The following CUX1 variants were observed in gnomAD, a reference collection of about 807,000 sequenced individuals.
The protein encoded by CUX1 is protein CASP.
CUX1 carries 31 observed loss-of-function variants against 158.8 expected under a neutral mutation model. That is an observed-to-expected ratio of 0.20 (90% CI 0.15 to 0.26). The LOEUF is 0.26. Ranked by LOEUF, CUX1 falls within the 10% of genes least tolerant of loss-of-function variation. CUX1 has a pLI of 1.00. For missense variants in CUX1, 1,589 were observed against 2,014.6 expected (o/e 0.79, Z 4.04); for synonymous variants, 879 against 862.1 (o/e 1.02, Z -0.34).
chr7:101,935,188 C>G (rs1304500682), intron 2 of CUX1, among the ~76,000 whole-genome samples: 2 of 152,152 alleles, frequency 1.3e-5, no homozygotes, highest in African/African-American at 4.8e-5. Flanking sequence ...AATTCCTTCT[C>G]CTGGCTCATC....
intron 2 of CUX1, among the ~76,000 whole-genome samples, chr7:101,947,160 G>A (rs370128563): frequency 6.6e-6 from 1 of 152,094 alleles, no homozygotes; most frequent in Non-Finnish European, 1.5e-5. Flanking sequence ...AGGCTGAGGC[G>A]GGAGGATCCC....
intron 2 of CUX1, among the ~76,000 whole-genome samples, chr7:101,987,557 T>G (rs1814487654): frequency 6.6e-6 from 1 of 152,230 alleles, no homozygotes; most frequent in Non-Finnish European, 1.5e-5. Flanking sequence ...CCCCGGTGAC[T>G]CCGTGGGACA....
chr7:101,995,655 T>A (rs924290599), intron 2 of CUX1, among the ~76,000 whole-genome samples: 1 of 152,194 alleles, frequency 6.6e-6, no homozygotes, highest in Non-Finnish European at 1.5e-5. Flanking sequence ...GAGTTACTCG[T>A]CCAAAACTGT....
intron 1 of CUX1, among the ~76,000 whole-genome samples, chr7:101,904,857 C>T (rs1197969721): frequency 6.6e-6 from 1 of 152,220 alleles, no homozygotes; most frequent in Non-Finnish European, 1.5e-5. Flanking sequence ...GCGTGAGCCA[C>T]TGCGCCTGGC....
Position 102,208,488 on chromosome 7 carries a change from G to A in CUX1, c.3130+3318G>A, listed in dbSNP as rs556003753. Among the ~76,000 whole-genome samples, 263 of 152,344 alleles carry A rather than the reference G, an allele frequency of 1.7e-3. 1 individual carries two copies. Among genetic ancestry groups the A allele is most frequent in the African/African-American group, 6.0e-3 (251 of 41,580 alleles). On this transcript the variant is annotated intron_variant, in intron 20 of 23. Transcript: ENST00000292535. ...ACTCCCAACCTCAGGTGATCCACCC[G>A]CCTTAGCTTCCTAAAGTGCTGGGAT...
At chr7:102,176,004 G>C (rs1554511812) in intron 10 of CUX1, among the ~76,000 whole-genome samples, 1 of 152,226 alleles carries the variant, frequency 6.6e-6, no homozygotes. Context: ...GCACAGAACG[G>C]GCCTGGACAG....
At chr7:102,163,421 G>A (rs552076308) in intron 9 of CUX1, among the ~76,000 whole-genome samples, 4 of 152,212 alleles carry the variant, frequency 2.6e-5, no homozygotes, top group East Asian at 3.9e-4. Flanking sequence ...TCTTGGGCCC[G>A]AGAGTTCAAA....
intron 1 of CUX1, among the ~76,000 whole-genome samples, chr7:101,839,825 G>T (rs149386081): frequency 1.6e-4 from 25 of 152,162 alleles, no homozygotes; most frequent in African/African-American, 5.5e-4. Flanking sequence ...ACAATGGCGC[G>T]GTCTTGGCTC....
chr7:102,125,963 G>GA (rs1832592935), intron 8 of CUX1, among the ~76,000 whole-genome samples: 1 of 151,728 alleles, frequency 6.6e-6, no homozygotes, highest in Non-Finnish European at 1.5e-5. Context: ...CAAGTAGCTG[G>GA]AATTATAGGC....
downstream of CUX1, among the ~76,000 whole-genome samples, chr7:102,262,044 C>A (rs1193096849): frequency 6.6e-6 from 1 of 152,060 alleles, no homozygotes; most frequent in African/African-American, 2.4e-5. Context: ...CCCAGGAGCT[C>A]AAGGCTGCAG....
chr7:101,983,563 C>A (rs550422205), intron 2 of CUX1, among the ~76,000 whole-genome samples: 1 of 152,328 alleles, frequency 6.6e-6, no homozygotes, highest in South Asian at 2.1e-4. Flanking sequence ...AAGAGGTTTA[C>A]TTGGCCCATG....
At chr7:101,948,830 G>A (rs1808701242) in intron 2 of CUX1, among the ~76,000 whole-genome samples, 1 of 152,166 alleles carries the variant, frequency 6.6e-6, no homozygotes, top group Admixed American at 6.5e-5. Context: ...GCCTGATTGG[G>A]TTGTACATTT....
At position 102,257,951 on chromosome 7, in the gene CUX1, G is replaced by C; in HGVS notation, c.*8909G>C. On this transcript the variant is annotated 3_prime_UTR_variant, in exon 24 of 24. Coordinates refer to ENST00000292535, the MANE Select transcript of CUX1 (RefSeq NM_181552.4). ...TTTGAGATGCCTCTGGTGTGTTGCT[G>C]TGTGACATCTCTCTGGTAACATTTT... 1.0e-6 allele frequency: 1 copy of C among 961,048 alleles called. No individual in the cohort carries two copies. The highest frequency in any genetic ancestry group is 1.2e-6 in the Non-Finnish European group (1 of 822,818). 59.5% of individuals were successfully genotyped at this position (961,048 alleles called of 1,614,324 possible).
chr7:102,118,621 A>T (rs180839814), intron 8 of CUX1, among the ~76,000 whole-genome samples: 1 of 152,262 alleles, frequency 6.6e-6, no homozygotes, highest in African/African-American at 2.4e-5. Context: ...CTGACTTGGG[A>T]TTGATTCACT....
Position 102,008,770 on chromosome 7 carries a change from G to A in CUX1, c.142-19328G>A, listed in dbSNP as rs189245812. On this transcript the variant is annotated intron_variant, in intron 2 of 23. Coordinates refer to ENST00000292535, the MANE Select transcript of CUX1 (RefSeq NM_181552.4). ...AGCAATTGTCAAACTGCCTACTTAC[G>A]ATGAACAAAATAGCTTTTCAGGAGG... Among the ~76,000 whole-genome samples, 8 of 152,276 alleles carry A rather than the reference G, an allele frequency of 5.3e-5. No individual in the cohort carries two copies. The East Asian group carries it at 1.2e-3, about 22-fold the overall frequency.
intron 1 of CUX1, among the ~76,000 whole-genome samples, chr7:101,909,808 C>T (rs758350025): frequency 6.6e-6 from 1 of 152,222 alleles, no homozygotes; most frequent in African/African-American, 2.4e-5. Flanking sequence ...CCTAGAAGGA[C>T]CCACCCTGTG....
At chr7:101,930,925 C>T (rs781420446) in intron 2 of CUX1, among the ~76,000 whole-genome samples, 5 of 152,134 alleles carry the variant, frequency 3.3e-5, no homozygotes, top group African/African-American at 9.7e-5. Context: ...GGCGAAACCC[C>T]GTCTCTACTA....
intron 1 of CUX1, among the ~76,000 whole-genome samples, chr7:101,862,382 C>T (rs550853822): frequency 2.0e-5 from 3 of 152,108 alleles, no homozygotes; most frequent in South Asian, 2.1e-4. Context: ...GGGACTTGCA[C>T]GCTGTGCAGT....
intron 1 of CUX1, among the ~76,000 whole-genome samples, chr7:101,901,240 C>T (rs747908969): frequency 2.6e-5 from 4 of 152,082 alleles, no homozygotes; most frequent in Non-Finnish European, 5.9e-5. Flanking sequence ...TACAAAAAAT[C>T]ACCCAATATT....
Sources: gnomAD v4.1 joint callset for allele counts (sites outside exome capture counted in the v4.1 genomes callset) on GRCh38, gnomAD v4.1.1 for gene constraint, MANE v1.5 for transcripts, NCBI Gene and HGNC (gene_info 2026-07-23, HGNC 2026-07-21) for gene names.